Variants in PPM1B observed in about 807,000 individuals in gnomAD.
PPM1B encodes the protein protein phosphatase 1B.
PPM1B carries 22 observed loss-of-function variants against 43.0 expected under a neutral mutation model. The ratio of observed to expected loss-of-function variants is 0.51; its 90% CI spans 0.37 to 0.73. The LOEUF (loss-of-function observed/expected upper bound fraction) is 0.73, where lower values mean the gene tolerates loss of function less well. Ranked by LOEUF, PPM1B falls within the 30% of genes least tolerant of loss-of-function variation. The probability of loss-of-function intolerance (pLI) is 0.00; values close to 1 mark genes in which losing one functional copy is unlikely to be tolerated. For synonymous variants in PPM1B, 217 were observed against 197.9 expected (o/e 1.10, Z -0.81); for missense variants, 632 against 584.2 (o/e 1.08, Z -0.84).
chr2:44,198,912 T>G (rs2104113325), intron 1 of PPM1B, among the ~76,000 whole-genome samples: 1 of 152,322 alleles, frequency 6.6e-6, no homozygotes, highest in East Asian at 1.9e-4. Flanking sequence ...CTACGTATTT[T>G]GCAGTTGAAA....
chr2:44,226,975 A>ATTTATTTATTTATTT (rs1558430093), intron 5 of PPM1B, among the ~76,000 whole-genome samples: 1 of 79,378 alleles, frequency 1.3e-5, no homozygotes, highest in Non-Finnish European at 2.8e-5. Context: ...TTTATTTATG[A>ATTTATTTATTTATTT]ATGAATGAAT....
chr2:44,221,766 T>G (rs997363384), intron 5 of PPM1B, among the ~76,000 whole-genome samples: 6 of 152,030 alleles, frequency 3.9e-5, no homozygotes, highest in African/African-American at 1.5e-4. Flanking sequence ...TTTCTTATAA[T>G]TAAGACATCT....
chr2:44,232,531 A>C (rs1228288445), downstream of PPM1B: 8 of 1,447,590 alleles, frequency 5.5e-6, no homozygotes, highest in Non-Finnish European at 7.3e-6. Flanking sequence ...TGCCACTTGT[A>C]GCATTGCCTG....
chr2:44,197,083 C>G (rs1480473268), intron 1 of PPM1B, among the ~76,000 whole-genome samples: 2 of 152,142 alleles, frequency 1.3e-5, no homozygotes, highest in African/African-American at 4.8e-5. Context: ...AGTACAGAGT[C>G]TTCCCCATCT....
chr2:44,191,667 A>G (rs185762808), intron 1 of PPM1B, among the ~76,000 whole-genome samples: 77 of 152,266 alleles, frequency 5.1e-4, no homozygotes, highest in Non-Finnish European at 5.0e-4. Flanking sequence ...GCATTATTGT[A>G]TGCTTCTGCT....
chr2:44,223,423 T>C (rs1352375878), intron 5 of PPM1B, among the ~76,000 whole-genome samples: 1 of 152,222 alleles, frequency 6.6e-6, no homozygotes, highest in Non-Finnish European at 1.5e-5. Context: ...TACATTTTTA[T>C]ATCACAGTTT....
chr2:44,228,163 C>T (rs1670306378), intron 5 of PPM1B, among the ~76,000 whole-genome samples: 2 of 149,070 alleles, frequency 1.3e-5, no homozygotes, highest in Admixed American at 6.8e-5. Context: ...ACCTCGTGAT[C>T]CACCCGCCTC....
chr2:44,241,911 A>G (rs1158605793), intron 5 of PPM1B, among the ~76,000 whole-genome samples: 23 of 114,314 alleles, frequency 2.0e-4, no homozygotes, highest in Non-Finnish European at 3.6e-4. Context: ...CAGGCTGGAG[A>G]GCAGTGGCGC....
intron 1 of PPM1B, among the ~76,000 whole-genome samples, chr2:44,192,361 C>T (rs1328745218): frequency 6.6e-6 from 1 of 151,748 alleles, no homozygotes; most frequent in Non-Finnish European, 1.5e-5. Context: ...GGGATTACAG[C>T]CCACAAACCA....
intron 3 of PPM1B, 122 bp downstream of exon 3, chr2:44,209,449 G>C: frequency 9.5e-7 from 1 of 1,053,716 alleles, no homozygotes; most frequent in Non-Finnish European, 1.3e-6. Flanking sequence ...AAAAAATTTA[G>C]AGAGGGAAAG....
At chr2:44,245,263 T>C (rs1014664666), downstream of PPM1B, among the ~76,000 whole-genome samples, 1 of 152,160 alleles carries the variant, frequency 6.6e-6, no homozygotes, top group Admixed American at 6.5e-5. Context: ...ATACATTTTA[T>C]AGCTGGGCAG....
intron 5 of PPM1B, among the ~76,000 whole-genome samples, chr2:44,228,098 A>G (rs1670303273): frequency 7.1e-6 from 1 of 140,006 alleles, no homozygotes; most frequent in South Asian, 2.3e-4. Flanking sequence ...AATTTTTTGT[A>G]TTTTTAGTAG....
At chr2:44,205,215 A>C (rs1669121604) in intron 2 of PPM1B, among the ~76,000 whole-genome samples, 1 of 152,194 alleles carries the variant, frequency 6.6e-6, no homozygotes, top group Non-Finnish European at 1.5e-5. Flanking sequence ...GTTTGATATT[A>C]AAAGATATCC....
rs368660082 is a variant in PPM1B, at chr2:44,204,858, CAAAAAAAA to C, written c.846+2832_846+2839del. Among the ~76,000 whole-genome samples, 60 of 36,706 alleles carry C rather than the reference CAAAAAAAA, an allele frequency of 1.6e-3. 1 individual carries two copies. Among genetic ancestry groups the C allele is most frequent in the African/African-American group, 2.2e-3 (37 of 16,828 alleles). 24.1% of individuals were successfully genotyped at this position (36,706 alleles called of 152,430 possible). ...TGGGTGACAGAGCGAGACTCCGTCT[CAAAAAAAA>C]AAAAAAAAAAAAAAAAAAGATAAGC... On this transcript the variant is annotated intron_variant, in intron 2 of 5. Transcript: ENST00000282412.
chr2:44,205,104 C>T (rs189877065), intron 2 of PPM1B, among the ~76,000 whole-genome samples: 56 of 152,214 alleles, frequency 3.7e-4, no homozygotes, highest in African/African-American at 1.3e-3. Flanking sequence ...CATAGCTTTT[C>T]ATAACTTGTA....
At chr2:44,195,013 T>C (rs1668594030) in intron 1 of PPM1B, among the ~76,000 whole-genome samples, 1 of 149,252 alleles carries the variant, frequency 6.7e-6, no homozygotes, top group East Asian at 2.1e-4. Flanking sequence ...TGCTTCAGCC[T>C]CCTAAGTAGC....
At chr2:44,182,456 T>C (rs1667927262) in intron 1 of PPM1B, among the ~76,000 whole-genome samples, 1 of 152,042 alleles carries the variant, frequency 6.6e-6, no homozygotes, top group Non-Finnish European at 1.5e-5. Context: ...AGATGGGGTT[T>C]CTCCATGTTG....
intron 1 of PPM1B, among the ~76,000 whole-genome samples, chr2:44,175,847 A>G (rs1667558559): frequency 7.0e-6 from 1 of 143,820 alleles, no homozygotes. Flanking sequence ...GTGCAGTGGT[A>G]TGATCTCGGC....
intron 1 of PPM1B, among the ~76,000 whole-genome samples, chr2:44,187,429 A>G (rs1668176984): frequency 6.6e-6 from 1 of 152,206 alleles, no homozygotes; most frequent in African/African-American, 2.4e-5. Flanking sequence ...TTTTGGATAC[A>G]TACACAGAAG....
Sources: allele counts gnomAD v4.1 joint callset (sites outside exome capture counted in the v4.1 genomes callset), GRCh38; gene constraint gnomAD v4.1.1; transcripts MANE v1.5; gene names NCBI Gene and HGNC (gene_info 2026-07-23, HGNC 2026-07-21).